Variants in PCDH9 observed in about 807,000 individuals in gnomAD.
PCDH9 encodes protocadherin-9.
Under a neutral mutation model 70.6 loss-of-function variants are expected in PCDH9, and 24 were observed. That is an observed-to-expected ratio of 0.34 (90% CI 0.25 to 0.48). The LOEUF (loss-of-function observed/expected upper bound fraction) is 0.48. Ranked by LOEUF, PCDH9 falls within the 20% of genes least tolerant of loss-of-function variation. The probability of loss-of-function intolerance (pLI) is 0.99; values close to 1 mark genes in which losing one functional copy is unlikely to be tolerated. For synonymous variants in PCDH9, 562 were observed against 558.5 expected, an observed-to-expected ratio of 1.01 and a Z score of -0.09; for missense variants, 1,281 against 1,503.6, an observed-to-expected ratio of 0.85 and a Z score of 2.45.
At position 66,804,796 on chromosome 13, in the gene PCDH9, G is replaced by A. The variant is rs370331672; in HGVS notation, c.3138+98708C>T. Among the ~76,000 whole-genome samples, 64 of 152,274 alleles carry A rather than the reference G, an allele frequency of 4.2e-4. No individual in the cohort carries two copies. In the Middle Eastern group the frequency reaches 0.01, roughly 24 times the overall value. ...AGAAGAGCAATTTCAAGGCTAGACA[G>A]TTTGTGGGGTTTTTTTATACTTCTT... On this transcript the variant is annotated intron_variant, in intron 3 of 4. Coordinates refer to ENST00000377865, the MANE Select transcript of PCDH9 (RefSeq NM_203487.3).
intron 4 of PCDH9, among the ~76,000 whole-genome samples, chr13:66,401,800 C>T (rs916156513): frequency 2.6e-5 from 4 of 152,100 alleles, no homozygotes; most frequent in African/African-American, 9.7e-5. Context: ...GCTTCCTGAC[C>T]CTCTCCATTT....
chr13:66,698,235 A>G (rs2139099599), intron 3 of PCDH9, among the ~76,000 whole-genome samples: 1 of 152,262 alleles, frequency 6.6e-6, no homozygotes, highest in East Asian at 1.9e-4. Flanking sequence ...AATCTACTTA[A>G]TGCCACCAAA....
intron 3 of PCDH9, among the ~76,000 whole-genome samples, chr13:66,708,318 G>A (rs2078743452): frequency 6.6e-6 from 1 of 151,842 alleles, no homozygotes; most frequent in African/African-American, 2.4e-5. Context: ...CAAAGTGCTG[G>A]GATTACAGGC....
rs568804986 is a variant in PCDH9 at position 66,669,991 on chromosome 13, C to A, written c.3139-38580G>T. ...AGAGCTTTGTGCACTTCAGTCTCCA[C>A]CAAAAGGTACCTCTAAAAGAGGACT... On this transcript the variant is annotated intron_variant, in intron 3 of 4. Coordinates refer to ENST00000377865, the MANE Select transcript of PCDH9 (RefSeq NM_203487.3). Among the ~76,000 whole-genome samples the A allele has an allele frequency of 2.0e-5, 3 of 152,220 alleles. No individual in the cohort carries two copies. The South Asian group carries it at 6.2e-4, about 32-fold the overall frequency.
At chr13:66,989,999 T>C (rs1273289412) in intron 2 of PCDH9, among the ~76,000 whole-genome samples, 1 of 151,924 alleles carries the variant, frequency 6.6e-6, no homozygotes, top group East Asian at 1.9e-4. Flanking sequence ...TTTCAGTGCA[T>C]AGCAGTATAA....
intron 4 of PCDH9, among the ~76,000 whole-genome samples, chr13:66,563,192 T>C (rs952716883): frequency 5.9e-5 from 9 of 152,156 alleles, no homozygotes; most frequent in Admixed American, 3.9e-4. Flanking sequence ...CAGCACTCCC[T>C]GTGTAAACCT....
chr13:66,560,423 C>G (rs529066444), intron 4 of PCDH9, among the ~76,000 whole-genome samples: 2 of 150,958 alleles, frequency 1.3e-5, no homozygotes, highest in African/African-American at 5.0e-5. Context: ...ATGTAAGGAG[C>G]TGGACCTTGT....
intron 2 of PCDH9, among the ~76,000 whole-genome samples, chr13:67,014,281 C>A (rs986682860): frequency 3.9e-5 from 6 of 152,060 alleles, no homozygotes; most frequent in African/African-American, 1.4e-4. Flanking sequence ...AAACAAAGAA[C>A]TAGCAATATG....
intron 2 of PCDH9, among the ~76,000 whole-genome samples, chr13:66,933,170 AT>A (rs1566302284): frequency 6.6e-6 from 1 of 152,006 alleles, no homozygotes. Context: ...TGAACATGTG[AT>A]TTCTTAGTGT....
intron 4 of PCDH9, among the ~76,000 whole-genome samples, chr13:66,395,238 G>A (rs1278951740): frequency 6.6e-6 from 1 of 152,170 alleles, no homozygotes; most frequent in African/African-American, 2.4e-5. Context: ...GGATCTTCTT[G>A]AGTAATATTG....
At chr13:66,381,843 C>T (rs966360677) in intron 4 of PCDH9, among the ~76,000 whole-genome samples, 5 of 152,166 alleles carry the variant, frequency 3.3e-5, no homozygotes, top group African/African-American at 1.2e-4. Flanking sequence ...CCTGGCTCTA[C>T]TTTAGAACTG....
intron 2 of PCDH9, among the ~76,000 whole-genome samples, chr13:67,075,438 G>A (rs150205313): frequency 5.8e-4 from 88 of 152,218 alleles, no homozygotes; most frequent in African/African-American, 2.0e-3. Context: ...TGGGGTACAA[G>A]AATGGAGAAC....
At chr13:66,804,247 T>C (rs549822496) in intron 3 of PCDH9, among the ~76,000 whole-genome samples, 1 of 152,176 alleles carries the variant, frequency 6.6e-6, no homozygotes, top group Non-Finnish European at 1.5e-5. Flanking sequence ...TGTAAACTCA[T>C]CCCTGGGTTA....
chr13:66,380,934 TA>T (rs1956837689), intron 4 of PCDH9, among the ~76,000 whole-genome samples: 1 of 152,196 alleles, frequency 6.6e-6, no homozygotes, highest in Non-Finnish European at 1.5e-5. Flanking sequence ...ACCCAAAATT[TA>T]ACTCTGATTA....
chr13:67,109,463 G>A (rs1422899766), intron 2 of PCDH9, among the ~76,000 whole-genome samples: 2 of 152,088 alleles, frequency 1.3e-5, no homozygotes, highest in Admixed American at 1.3e-4. Flanking sequence ...CAATTGGTTT[G>A]CTTATAGAAT....
chr13:66,427,487 T>C (rs1566317128), intron 4 of PCDH9, among the ~76,000 whole-genome samples: 1 of 151,676 alleles, frequency 6.6e-6, no homozygotes, highest in Non-Finnish European at 1.5e-5. Flanking sequence ...TAGACATGTG[T>C]TTTGTGTTAG....
At chr13:66,610,134 G>C (rs923795206) in intron 4 of PCDH9, among the ~76,000 whole-genome samples, 1 of 151,692 alleles carries the variant, frequency 6.6e-6, no homozygotes, top group Non-Finnish European at 1.5e-5. Context: ...TTATCTACCA[G>C]ATCTTGTTCA....
At chr13:67,017,686 G>A (rs1046644056) in intron 2 of PCDH9, among the ~76,000 whole-genome samples, 1 of 152,122 alleles carries the variant, frequency 6.6e-6, no homozygotes. Context: ...AAATGTTACT[G>A]TTAGTAACAA....
In PCDH9 at chr13:67,090,872, T is replaced by G. The variant is rs184429690; in HGVS notation, c.3036+134533A>C. Among the ~76,000 whole-genome samples, 153 of 152,178 alleles carry G rather than the reference T, an allele frequency of 1.0e-3. 1 individual carries two copies. Among genetic ancestry groups the G allele is most frequent in the Non-Finnish European group, 1.9e-3 (128 of 67,940 alleles). On this transcript the variant is annotated intron_variant, in intron 2 of 4. Transcript: ENST00000377865. ...AGAAACGGTGTCGCAGGTTACAGTTTAAATGACTTCATCTAGGTTCTCACA... is the reference window on the plus strand; with the variant it reads ...AGAAACGGTGTCGCAGGTTACAGTTGAAATGACTTCATCTAGGTTCTCACA...
Sources: allele counts gnomAD v4.1 joint callset (sites outside exome capture counted in the v4.1 genomes callset), GRCh38; gene constraint gnomAD v4.1.1; transcripts MANE v1.5; gene names NCBI Gene and HGNC (gene_info 2026-07-23, HGNC 2026-07-21).